The following JMJD1C variants were observed in gnomAD, a reference collection of about 807,000 sequenced individuals.
JMJD1C encodes jumonji domain containing 1C.
JMJD1C carries 31 observed loss-of-function variants against 245.3 expected under a neutral mutation model. The ratio of observed to expected loss-of-function variants is 0.13; its 90% CI spans 0.09 to 0.17. The LOEUF (loss-of-function observed/expected upper bound fraction) is 0.17, where lower values mean the gene tolerates loss of function less well. JMJD1C is among the 10% of genes least tolerant of loss of function. The pLI is 1.00. For missense variants in JMJD1C, 2,691 were observed against 3,000.2 expected (o/e 0.90, Z 2.41); for synonymous variants, 1,057 against 1,017.4 (o/e 1.04, Z -0.74).
intron 1 of JMJD1C, among the ~76,000 whole-genome samples, chr10:63,513,462 G>T (rs1954929699): frequency 6.6e-6 from 1 of 152,164 alleles, no homozygotes; most frequent in African/African-American, 2.4e-5. Context: ...TGACAATTGA[G>T]ATCTAATTAA....
At chr10:63,304,434 A>C (rs1937724138) in intron 2 of JMJD1C, among the ~76,000 whole-genome samples, 1 of 152,170 alleles carries the variant, frequency 6.6e-6, no homozygotes, top group African/African-American at 2.4e-5. Context: ...CAAAACAAAA[A>C]ACACCAAAAA....
At position 63,193,067 on chromosome 10, in the gene JMJD1C, C is replaced by T. The variant is rs1845030931; in HGVS notation, c.5947G>A (p.Glu1983Lys). 6.2e-7 allele frequency: 1 copy of T among 1,614,012 alleles called. No individual in the cohort carries two copies. The highest frequency in any genetic ancestry group is 1.7e-5 in the Admixed American group (1 of 60,002). ...SQQQNTPPKS[E>K]KNGGSSPESD... is the part of the protein sequence containing the mutation. The stretch of plus-strand genomic sequence containing the variant: ...TCTGGGCTGCTGCCACCATTTTTCT[C>T]AGACTTCGGAGGAGTATTTTGCTGC... Residue 1983 changes from glutamate to lysine, a missense_variant, in exon 16 of 26, where the codon GAG becomes AAG. Around this residue, in one of 9 missense-constraint regions of JMJD1C, gnomAD observed 275 missense variants for 285.5 expected, o/e 0.96. Transcript: ENST00000399262.
chr10:63,381,534 C>CA (rs756789829), intron 1 of JMJD1C, among the ~76,000 whole-genome samples: 6 of 151,814 alleles, frequency 4.0e-5, no homozygotes, highest in Non-Finnish European at 7.4e-5. Flanking sequence ...TCTGTCTATT[C>CA]AAAAAACAAA....
chr10:63,183,051 G>C (rs1030224274), intron 22 of JMJD1C, among the ~76,000 whole-genome samples: 8 of 152,050 alleles, frequency 5.3e-5, no homozygotes, highest in Admixed American at 1.3e-4. Flanking sequence ...AGTAGAGACA[G>C]GGTTATAGCA....
rs1244673053 is a variant in JMJD1C, at chr10:63,185,624, C to T, written c.6769G>A (p.Val2257Ile). 6.2e-7 allele frequency: 1 copy of T among 1,604,192 alleles called. No individual in the cohort carries two copies. The highest frequency in any genetic ancestry group is 1.3e-5 in the African/African-American group (1 of 74,970). Residue 2257 changes from valine (V) to isoleucine (I), a missense_variant, in exon 20 of 26, where the codon GTT becomes ATT. By Grantham distance (29) the Val-to-Ile change is conservative. Transcript: ENST00000399262. ...KRQKNKSGETVVLKLKDWPSG... is the reference protein window; with the variant it reads ...KRQKNKSGETIVLKLKDWPSG... The stretch of plus-strand genomic sequence containing the variant: ...GGCCAGTCTTTCAATTTTAAAACAA[C>T]TGTTTCTCCACTCTTGTTTTTCTGC...
At position 63,382,998 on chromosome 10, in the gene JMJD1C, A is replaced by G. The variant is rs528108922; in HGVS notation, c.169-2516T>C. Among the ~76,000 whole-genome samples, 15 of 152,324 alleles carry G rather than the reference A, an allele frequency of 9.8e-5. No individual in the cohort carries two copies. The South Asian group carries it at 3.1e-3, about 32-fold the overall frequency. ...CTATATTTTTAAGTGTAATAAAAGT[A>G]TCTTTAAATTATGCATGTAAACTCA... On this transcript the variant is annotated intron_variant, in intron 1 of 25. Coordinates refer to ENST00000399262, the MANE Select transcript of JMJD1C (RefSeq NM_032776.3).
In JMJD1C at chr10:63,330,876, T is replaced by C. The variant is rs575590230; in HGVS notation, c.333+49442A>G. ...CTTACTCCAAAAGACTTATTGTTCT[T>C]ATTTTTCCTTTCTAAAATAATTTTA... On this transcript the variant is annotated intron_variant, in intron 2 of 25. Transcript: ENST00000399262. Among the ~76,000 whole-genome samples the C allele has an allele frequency of 1.1e-3, 174 of 152,348 alleles. 1 individual carries two copies. The highest frequency in any genetic ancestry group is 3.5e-3 in the African/African-American group (147 of 41,566).
chr10:63,188,612 A>G lies in JMJD1C; in HGVS notation c.6570+556T>C, dbSNP rs146773539. Among the ~76,000 whole-genome samples the G allele has an allele frequency of 5.3e-4, 81 of 152,360 alleles. 1 individual carries two copies. The highest frequency in any genetic ancestry group is 1.7e-3 in the African/African-American group (72 of 41,590). On this transcript the variant is annotated intron_variant, in intron 18 of 25. Coordinates refer to ENST00000399262, the MANE Select transcript of JMJD1C (RefSeq NM_032776.3). The stretch of plus-strand genomic sequence containing the variant: ...TTAATTTGTTCATAATTTTTGCATT[A>G]ATGTAGTAAATTGCCATCTGAAATG...
At chr10:63,275,560 T>C (rs1388251983) in intron 2 of JMJD1C, among the ~76,000 whole-genome samples, 1 of 152,116 alleles carries the variant, frequency 6.6e-6, no homozygotes, top group Non-Finnish European at 1.5e-5. Context: ...CACCAATATT[T>C]GGAAGAAAGA....
rs185230393 is a variant in JMJD1C, at chr10:63,174,598, C to A, written c.7401+1699G>T. Among the ~76,000 whole-genome samples, 103 of 152,198 alleles carry A rather than the reference C, an allele frequency of 6.8e-4. 1 individual carries two copies. The highest frequency in any genetic ancestry group is 2.4e-3 in the African/African-American group (100 of 41,510). On this transcript the variant is annotated intron_variant, in intron 24 of 25. Coordinates refer to ENST00000399262, the MANE Select transcript of JMJD1C (RefSeq NM_032776.3). Reference sequence around the variant, plus strand: ...CCTGTAATCCCAGCACTTTGGGAGGCCAAGGCAGACAGATTACCTGAAGTC... The same window carrying A: ...CCTGTAATCCCAGCACTTTGGGAGGACAAGGCAGACAGATTACCTGAAGTC...
rs74730227 is a variant in JMJD1C, at chr10:63,506,266, T to C, written n.113+15472A>G. On this transcript the variant is annotated intron_variant and non_coding_transcript_variant, in intron 1 of 3. Transcript: ENST00000633035. ...TGAGAAGAAACCTTGTTGGTTGGGA[T>C]TTAGGAAGAAAGCTTTAGAGTTTGA... Among the ~76,000 whole-genome samples, 22 of 152,260 alleles carry C rather than the reference T, an allele frequency of 1.4e-4. No homozygotes were observed. The East Asian group carries it at 2.9e-3, about 20-fold the overall frequency.
chr10:63,387,681 G>A (rs1947733541), intron 1 of JMJD1C, among the ~76,000 whole-genome samples: 1 of 112,146 alleles, frequency 8.9e-6, no homozygotes, highest in African/African-American at 3.5e-5. Flanking sequence ...TGTCGCCCAG[G>A]CTACAGTGCA....
At chr10:63,309,417 C>T (rs542552746) in intron 2 of JMJD1C, among the ~76,000 whole-genome samples, 28 of 128,194 alleles carry the variant, frequency 2.2e-4, no homozygotes, top group Non-Finnish European at 2.7e-4. Context: ...TCGCTTGAAC[C>T]GGGGGGGCAG....
chr10:63,185,463 A>C (rs1844022235), intron 20 of JMJD1C, 100 bp downstream of exon 20: 1 of 744,812 alleles, frequency 1.3e-6, no homozygotes. Flanking sequence ...ATTGAGAAAG[A>C]AAAAGCCTAC....
At chr10:63,503,791 G>A (rs912761108) in intron 1 of JMJD1C, among the ~76,000 whole-genome samples, 3 of 152,090 alleles carry the variant, frequency 2.0e-5, no homozygotes, top group African/African-American at 7.2e-5. Flanking sequence ...TGATTAATTT[G>A]CCTTTGACAA....
chr10:63,388,838 C>A (rs913833109), intron 1 of JMJD1C, among the ~76,000 whole-genome samples: 1 of 152,018 alleles, frequency 6.6e-6, no homozygotes, highest in Non-Finnish European at 1.5e-5. Flanking sequence ...TAAAGGAATA[C>A]AAAAGACATT....
intron 1 of JMJD1C, among the ~76,000 whole-genome samples, chr10:63,510,255 G>A (rs111716387): frequency 0.058 from 8,832 of 151,842 alleles, 729 homozygotes; most frequent in African/African-American, 0.18. Context: ...CACCCCCCTC[G>A]GCCTCCCAAA....
chr10:63,437,256 C>T (rs1442249399), intron 1 of JMJD1C, among the ~76,000 whole-genome samples: 1 of 152,144 alleles, frequency 6.6e-6, no homozygotes, highest in African/African-American at 2.4e-5. Flanking sequence ...CCTTGCTGTA[C>T]ATAATTTCCT....
chr10:63,292,153 T>TTTTTTTTTTTC, intron 2 of JMJD1C, among the ~76,000 whole-genome samples: 3 of 139,032 alleles, frequency 2.2e-5, no homozygotes, highest in African/African-American at 8.1e-5. Flanking sequence ...GATTTTTTTT[T>TTTTTTTTTTTC]TTTTTTTTTT....
Sources: gnomAD v4.1 joint callset for allele counts (sites outside exome capture counted in the v4.1 genomes callset) on GRCh38, gnomAD v4.1.1 for gene constraint, gnomAD v4.1.1 regional missense constraint, MANE v1.5 for transcripts, NCBI Gene and HGNC (gene_info 2026-07-23, HGNC 2026-07-21) for gene names.